Variants in SH3D19 observed in about 807,000 individuals in gnomAD.
SH3D19 encodes the protein SH3 domain-containing protein 19.
A neutral mutation model predicts 112.1 loss-of-function variants in SH3D19; 58 were observed. The observed-to-expected ratio is 0.52, with a 90% CI of 0.42 to 0.64. The LOEUF is 0.64. Among genes scored for constraint, SH3D19 ranks in the 30% least tolerant of loss-of-function variants. The pLI, the probability that SH3D19 is intolerant of heterozygous loss-of-function variation, is 0.00. For missense variants in SH3D19, 1,090 were observed against 1,263.4 expected (o/e 0.86, Z 2.08); for synonymous variants, 391 against 448.5 (o/e 0.87, Z 1.62).
intron 1 of SH3D19, among the ~76,000 whole-genome samples, chr4:151,255,117 C>T (rs9985620): frequency 0.34 from 50,959 of 147,738 alleles, 9,965 homozygotes; most frequent in Non-Finnish European, 0.46. Flanking sequence ...GCTGGCCTGG[C>T]GGGGGGCTGA....
rs181643204 is a variant in SH3D19 at position 151,236,517 on chromosome 4, C to T, written c.113-10431G>A. Among the ~76,000 whole-genome samples, 4 of 152,336 alleles carry T rather than the reference C, an allele frequency of 2.6e-5. No homozygotes were observed. In the East Asian group the frequency reaches 7.7e-4, roughly 29 times the overall value. On this transcript the variant is annotated intron_variant, in intron 1 of 19. Transcript: ENST00000604030. Reference sequence around the variant, plus strand: ...AAAGGATTGTAAATGCACCAATCAGCACTCTGTGTCTAGCTAAAGGATTGT... The same window carrying T: ...AAAGGATTGTAAATGCACCAATCAGTACTCTGTGTCTAGCTAAAGGATTGT...
chr4:151,252,564 T>C (rs964937397), intron 1 of SH3D19, among the ~76,000 whole-genome samples: 1 of 152,176 alleles, frequency 6.6e-6, no homozygotes, highest in Non-Finnish European at 1.5e-5. Context: ...GGGCTTTATT[T>C]ATACTCACTC....
At chr4:151,227,045 T>G (rs1006347167) in intron 1 of SH3D19, among the ~76,000 whole-genome samples, 1 of 152,118 alleles carries the variant, frequency 6.6e-6, no homozygotes, top group African/African-American at 2.4e-5. Flanking sequence ...CCACAATATA[T>G]CCTAAGCAAT....
chr4:151,294,514 A>G (rs1432893169), intron 1 of SH3D19, among the ~76,000 whole-genome samples: 1 of 152,246 alleles, frequency 6.6e-6, no homozygotes, highest in Non-Finnish European at 1.5e-5. Flanking sequence ...TAGGCACCTA[A>G]CACAACAGTT....
intron 1 of SH3D19, chr4:151,282,341 A>G: frequency 1.9e-6 from 3 of 1,613,924 alleles, no homozygotes; most frequent in Non-Finnish European, 2.5e-6. Flanking sequence ...TTGCTTGCCC[A>G]GTGTCACAAA....
chr4:151,314,350 G>A (rs1031337863), intron 1 of SH3D19, among the ~76,000 whole-genome samples: 5 of 152,156 alleles, frequency 3.3e-5, no homozygotes, highest in African/African-American at 1.2e-4. Flanking sequence ...GCCCAAGGAT[G>A]GCCACAACCA....
At chr4:151,290,658 T>C (rs1775231234) in intron 1 of SH3D19, among the ~76,000 whole-genome samples, 1 of 152,160 alleles carries the variant, frequency 6.6e-6, no homozygotes, top group Admixed American at 6.5e-5. Context: ...AACCACTGAA[T>C]TGTGTAGTAT....
At chr4:151,280,051 A>AGAGAGGCAGGGCGG (rs1554066217) in intron 1 of SH3D19, 3 of 702,752 alleles carry the variant, frequency 4.3e-6, no homozygotes, top group South Asian at 2.4e-5. Flanking sequence ...GAAAGTGGTA[A>AGAGAGGCAGGGCGG]AATAGGCAGG....
chr4:151,147,959 C>G lies in SH3D19; in HGVS notation c.2045G>C (p.Arg682Pro), dbSNP rs757203859. Residue 682 changes from arginine (R) to proline (P), a missense_variant, in exon 11 of 20, where the codon CGT becomes CCT. Coordinates refer to ENST00000604030, the MANE Select transcript of SH3D19 (RefSeq NM_001378122.1). Reference sequence around the variant, plus strand: ...GTAGAGAGGGTGTCCTGGTTTGGGACGAGGGGGTAGCACCGGATCTTGATT... The same window carrying G: ...GTAGAGAGGGTGTCCTGGTTTGGGAGGAGGGGGTAGCACCGGATCTTGATT... ...FKNQDPVLPP[R>P]PKPGHPLYSK... The G allele has an allele frequency of 7.4e-6, 12 of 1,613,440 alleles. No homozygotes were observed. Among genetic ancestry groups the G allele is most frequent in the Non-Finnish European group, 8.5e-6 (10 of 1,179,868 alleles).
Position 151,278,416 on chromosome 4 carries a change from G to A in SH3D19, c.112+46825C>T, listed in dbSNP as rs56342509. Among the ~76,000 whole-genome samples, 9 of 66,278 alleles carry A rather than the reference G, an allele frequency of 1.4e-4. No individual in the cohort carries two copies. In the East Asian group the frequency reaches 2.3e-3, roughly 17 times the overall value. The allele number at this position is 66,278 out of a possible 152,430, so 43.5% of individuals were successfully genotyped here. A position where few individuals can be genotyped will look rare whatever the true frequency, so the allele number is the denominator to read the frequency against. ...CCTAGTAGCTGGGACTACAGGTGTGGTTGAACCACACCTGTTGTGTTTGTG... is the reference window on the plus strand; with the variant it reads ...CCTAGTAGCTGGGACTACAGGTGTGATTGAACCACACCTGTTGTGTTTGTG... On this transcript the variant is annotated intron_variant, in intron 1 of 19. Transcript: ENST00000604030.
chr4:151,148,267 ACACACACACACACAC>A, intron 10 of SH3D19, 81 bp from the exon 11 acceptor site: 1 of 412,362 alleles, frequency 2.4e-6, no homozygotes, highest in Non-Finnish European at 3.8e-6. Flanking sequence ...ACACACACAC[ACACACACACACACAC>A]ACACACAGAG....
intron 1 of SH3D19, among the ~76,000 whole-genome samples, chr4:151,269,980 G>C (rs1221308400): frequency 6.6e-6 from 1 of 151,992 alleles, no homozygotes; most frequent in African/African-American, 2.4e-5. Context: ...AACATGTATG[G>C]AGCTGTCATC....
intron 1 of SH3D19, among the ~76,000 whole-genome samples, chr4:151,293,346 A>T (rs535130854): frequency 1.0e-3 from 146 of 146,644 alleles, no homozygotes; most frequent in Non-Finnish European, 1.6e-3. Flanking sequence ...GGTGGCGGGC[A>T]CCTGTAGTCC....
At chr4:151,199,220 T>C (rs1480231387) in intron 2 of SH3D19, among the ~76,000 whole-genome samples, 3 of 152,184 alleles carry the variant, frequency 2.0e-5, no homozygotes, top group African/African-American at 7.2e-5. Context: ...ATATTATGTA[T>C]CTGAGGATAC....
At chr4:151,142,400 GC>G (rs2149763564) in intron 12 of SH3D19, among the ~76,000 whole-genome samples, 1 of 152,172 alleles carries the variant, frequency 6.6e-6, no homozygotes, top group South Asian at 2.1e-4. Context: ...CCTCCCCTCA[GC>G]CCCAGGCAAC....
intron 1 of SH3D19, chr4:151,277,285 A>G (rs1773723855): frequency 7.6e-7 from 1 of 1,323,160 alleles, no homozygotes; most frequent in Non-Finnish European, 1.0e-6. Flanking sequence ...AGAGGGCATC[A>G]CATAGAACAA....
intron 4 of SH3D19, 87 bp from the exon 5 acceptor site, chr4:151,177,042 C>T (rs1192242545): frequency 2.7e-5 from 32 of 1,168,106 alleles, no homozygotes; most frequent in Non-Finnish European, 3.2e-6. Context: ...ATGAAAACCA[C>T]CATCAACCAA....
At chr4:151,312,900 CAA>C (rs1227911321) in intron 1 of SH3D19, among the ~76,000 whole-genome samples, 2 of 124,078 alleles carry the variant, frequency 1.6e-5, no homozygotes. Context: ...GACTCCATCT[CAA>C]AAAAAAAAAA....
chr4:151,302,624 G>A (rs1019770537), intron 1 of SH3D19, among the ~76,000 whole-genome samples: 2 of 152,156 alleles, frequency 1.3e-5, no homozygotes, highest in East Asian at 1.9e-4. Flanking sequence ...AGGAAAAAAC[G>A]ACTATAGACA....
Sources: allele counts gnomAD v4.1 joint callset (sites outside exome capture counted in the v4.1 genomes callset), GRCh38; gene constraint gnomAD v4.1.1; transcripts MANE v1.5; gene names NCBI Gene and HGNC (gene_info 2026-07-23, HGNC 2026-07-21).